The following SEMA3D variants were observed in gnomAD, a reference collection of about 807,000 sequenced individuals.
The protein encoded by SEMA3D is semaphorin 3D, also known as semaphorin-3D.
A neutral mutation model predicts 100.1 loss-of-function variants in SEMA3D; 84 were observed. That is an observed-to-expected ratio of 0.84 (90% CI 0.70 to 1.01). The LOEUF (loss-of-function observed/expected upper bound fraction) is 1.01, where lower values mean the gene tolerates loss of function less well. SEMA3D is among the 50% of genes least tolerant of loss of function. The pLI is 0.00. For synonymous variants in SEMA3D, 312 were observed against 320.7 expected (o/e 0.97, Z 0.29); for missense variants, 875 against 934.1 (o/e 0.94, Z 0.82).
chr7:85,017,667 T>C (rs1462135747), intron 15 of SEMA3D, among the ~76,000 whole-genome samples: 3 of 151,830 alleles, frequency 2.0e-5, no homozygotes, highest in Non-Finnish European at 4.4e-5. Context: ...CAGAGAGTTA[T>C]GAAATAATGT....
intron 2 of SEMA3D, among the ~76,000 whole-genome samples, chr7:85,128,574 T>A (rs1789631060): frequency 6.6e-6 from 1 of 152,046 alleles, no homozygotes; most frequent in Non-Finnish European, 1.5e-5. Context: ...TTGGCAAATA[T>A]CCAAAAATTT....
chr7:85,103,837 A>G (rs1301267168), intron 3 of SEMA3D, among the ~76,000 whole-genome samples: 1 of 152,000 alleles, frequency 6.6e-6, no homozygotes. Flanking sequence ...ATCATTGCAT[A>G]TTACAAATTT....
chr7:85,039,163 G>T (rs570873405), intron 11 of SEMA3D, among the ~76,000 whole-genome samples: 1 of 152,054 alleles, frequency 6.6e-6, no homozygotes, highest in African/African-American at 2.4e-5. Flanking sequence ...CAGGAGAAAG[G>T]GTGTGCTTTG....
At chr7:85,240,586 A>C in the SEMA3D span, among the ~76,000 whole-genome samples, 1 of 152,138 alleles carries the variant, frequency 6.6e-6, no homozygotes, top group African/African-American at 2.4e-5. Flanking sequence ...TTCCCTAAAT[A>C]TTTGGTAGAA....
At chr7:85,101,071 G>A (rs1057150682) in intron 3 of SEMA3D, among the ~76,000 whole-genome samples, 2 of 151,820 alleles carry the variant, frequency 1.3e-5, no homozygotes, top group Non-Finnish European at 2.9e-5. Context: ...CAACAAATAC[G>A]CCATACTGAT....
Position 85,175,391 on chromosome 7 carries a change from G to A in SEMA3D, c.-173+11287C>T, listed in dbSNP as rs114594192. Among the ~76,000 whole-genome samples, 519 of 152,274 alleles carry A rather than the reference G, an allele frequency of 3.4e-3. 3 individuals are homozygous for A. Among genetic ancestry groups the A allele is most frequent in the African/African-American group, 0.012 (486 of 41,564 alleles). On this transcript the variant is annotated intron_variant, in intron 1 of 18. Transcript: ENST00000284136. ...AGGTTTATTGAGTACACATGTGTAA[G>A]CATAGCATTCCTTCTCTTTGCAAGT...
chr7:85,126,686 A>T (rs755882132), intron 2 of SEMA3D, among the ~76,000 whole-genome samples: 15 of 152,030 alleles, frequency 9.9e-5, no homozygotes, highest in Non-Finnish European at 1.6e-4. Context: ...CACATGACTG[A>T]TCAATTATTG....
Position 85,022,600 on chromosome 7 carries a change from G to A in SEMA3D, c.1205C>T (p.Thr402Ile). The A allele has an allele frequency of 6.2e-7, 1 of 1,610,442 alleles. No individual in the cohort carries two copies. The highest frequency in any genetic ancestry group is 2.2e-5 in the East Asian group (1 of 44,780). ...GGTGGACTTAATCAGTGGGTCATAG[G>A]TTTTGCTTGGACACTGAAAATAAAT... Reference protein sequence around the residue: ...YPRPGTCPSKTYDPLIKSTRD... With the variant: ...YPRPGTCPSKIYDPLIKSTRD... The change falls in exon 13 of 19, where the codon ACC becomes ATC. Residue 402 changes from threonine (T) to isoleucine (I), a missense_variant. By Grantham distance (89) the Thr-to-Ile change is moderately conservative (BLOSUM62 -1). Transcript: ENST00000284136.
chr7:85,068,133 C>A, intron 7 of SEMA3D, 58 bp downstream of exon 7: 1 of 1,007,362 alleles, frequency 9.9e-7, no homozygotes, highest in South Asian at 1.3e-5. Flanking sequence ...GCGGTTCAGT[C>A]AAAAAATAAC....
At chr7:85,044,227 A>G (rs1790941319) in intron 9 of SEMA3D, among the ~76,000 whole-genome samples, 1 of 152,038 alleles carries the variant, frequency 6.6e-6, no homozygotes, top group South Asian at 2.1e-4. Context: ...AACAAACAAG[A>G]GAATTTGAAA....
chr7:85,042,895 A>G lies in SEMA3D; in HGVS notation c.862-610T>C, dbSNP rs577961427. 2.0e-5 allele frequency among the ~76,000 whole-genome samples: 3 copies of G among 152,264 alleles called. No individual in the cohort carries two copies. The South Asian group carries it at 6.2e-4, about 32-fold the overall frequency. ...AAAAAAAGTCTATAAAATGCTTAGCATAGTCTCAGGCAACTTGAGTTCAAT... is the reference window on the plus strand; with the variant it reads ...AAAAAAAGTCTATAAAATGCTTAGCGTAGTCTCAGGCAACTTGAGTTCAAT... On this transcript the variant is annotated intron_variant, in intron 9 of 18. Coordinates refer to ENST00000284136, the MANE Select transcript of SEMA3D (RefSeq NM_001384900.1).
At chr7:85,169,717 T>G (rs1263616142) in intron 1 of SEMA3D, among the ~76,000 whole-genome samples, 2 of 151,782 alleles carry the variant, frequency 1.3e-5, no homozygotes, top group African/African-American at 2.4e-5. Flanking sequence ...AATATTTTAC[T>G]GATGCTACAT....
chr7:85,008,214 C>T lies in SEMA3D; in HGVS notation c.1769-1273G>A, dbSNP rs936263864. The stretch of plus-strand genomic sequence containing the variant: ...GGGATTTTGTCAACAAAGTAGGGGA[C>T]GATGTAGGTTGATTGTTGGGATATG... On this transcript the variant is annotated intron_variant, in intron 17 of 18. Transcript: ENST00000284136. Among the ~76,000 whole-genome samples the T allele has an allele frequency of 1.1e-4, 16 of 151,686 alleles. 1 individual carries two copies. The highest frequency in any genetic ancestry group is 1.2e-4 in the African/African-American group (5 of 41,424).
chr7:85,143,598 T>G (rs544065827), intron 2 of SEMA3D, among the ~76,000 whole-genome samples: 1 of 152,170 alleles, frequency 6.6e-6, no homozygotes, highest in Admixed American at 6.6e-5. Flanking sequence ...GGGAACACCA[T>G]CCTATGTGTA....
At chr7:85,070,219 C>T (rs1177114037) in intron 6 of SEMA3D, among the ~76,000 whole-genome samples, 1 of 152,164 alleles carries the variant, frequency 6.6e-6, no homozygotes, top group Non-Finnish European at 1.5e-5. Context: ...TTCCTAAATT[C>T]CAGCTCCAGT....
intron 13 of SEMA3D, among the ~76,000 whole-genome samples, chr7:85,021,473 T>C (rs1790254479): frequency 6.6e-6 from 1 of 151,830 alleles, no homozygotes; most frequent in African/African-American, 2.4e-5. Flanking sequence ...ATTGCCATCT[T>C]CAAAATAATC....
intron 6 of SEMA3D, among the ~76,000 whole-genome samples, chr7:85,070,430 C>G (rs1174431193): frequency 6.6e-6 from 1 of 152,154 alleles, no homozygotes; most frequent in African/African-American, 2.4e-5. Context: ...GCATAGCAGT[C>G]CCTGAAGTAT....
intron 1 of SEMA3D, among the ~76,000 whole-genome samples, chr7:85,160,841 A>G (rs1790726995): frequency 6.6e-6 from 1 of 152,182 alleles, no homozygotes; most frequent in Non-Finnish European, 1.5e-5. Context: ...CAAACCAGTA[A>G]AAGATATCAA....
the SEMA3D span, among the ~76,000 whole-genome samples, chr7:85,196,536 C>T: frequency 6.6e-6 from 1 of 151,840 alleles, no homozygotes; most frequent in Non-Finnish European, 1.5e-5. Context: ...ACAGAGTGAG[C>T]GAAGTTATTG....
Sources: allele counts gnomAD v4.1 joint callset (sites outside exome capture counted in the v4.1 genomes callset), GRCh38; gene constraint gnomAD v4.1.1; transcripts MANE v1.5; gene names NCBI Gene and HGNC (gene_info 2026-07-23, HGNC 2026-07-21).